Variants in LRP1-AS observed in about 807,000 individuals in gnomAD.
LRP1-AS encodes the protein LRP1 antisense RNA.
intron 1 of LRP1-AS, chr12:57,146,649 G>A (rs1400916908): frequency 1.3e-5 from 2 of 152,348 alleles, no homozygotes; most frequent in East Asian, 3.9e-4. Flanking sequence ...CTCAGCGTAA[G>A]GTTCACATTT....
At chr12:57,144,804 T>C in exon 2 of LRP1-AS, 1 of 666,142 alleles carries the variant, frequency 1.5e-6, no homozygotes, top group Non-Finnish European at 2.7e-6. Flanking sequence ...ATTCCAAGAC[T>C]GGACTTGCTG....
At position 57,145,971 on chromosome 12, in the gene LRP1-AS, G is replaced by A. The variant is rs565128644; in HGVS notation, n.182-888C>T. ...TGCCAATGGACTCTCTGCTGCCATC[G>A]GGGGAGGGCAGTACTGAGGTTATTT... is the stretch of plus-strand genomic sequence containing the variant. On this transcript the variant is annotated intron_variant and non_coding_transcript_variant, in intron 1 of 1. Coordinates refer to ENST00000555461, the Ensembl canonical transcript of LRP1-AS. Among the ~76,000 whole-genome samples the A allele has an allele frequency of 1.2e-4, 19 of 152,258 alleles. No individual in the cohort carries two copies. In the East Asian group the frequency reaches 1.5e-3, roughly 12 times the overall value.
intron 1 of LRP1-AS, among the ~76,000 whole-genome samples, chr12:57,147,169 T>G (rs951728284): frequency 5.9e-5 from 9 of 151,630 alleles, no homozygotes; most frequent in African/African-American, 2.2e-4. Context: ...GGGGAAATGC[T>G]TGTGGGGTAA....
At chr12:57,146,037 C>T (rs1035704970) in intron 1 of LRP1-AS, among the ~76,000 whole-genome samples, 2 of 152,122 alleles carry the variant, frequency 1.3e-5, no homozygotes, top group Admixed American at 6.5e-5. Context: ...GGGAGAGGAG[C>T]GTGAGCCACA....
At chr12:57,145,198 G>A (rs1376784615) in intron 1 of LRP1-AS, 5 of 1,613,784 alleles carry the variant, frequency 3.1e-6, no homozygotes, top group East Asian at 2.2e-5. Context: ...AGCCCTGGCT[G>A]CACGGACTCT....
chr12:57,147,171 G>GT (rs2035427756), intron 1 of LRP1-AS, among the ~76,000 whole-genome samples: 1 of 151,924 alleles, frequency 6.6e-6, no homozygotes, highest in Non-Finnish European at 1.5e-5. Flanking sequence ...GGAAATGCTT[G>GT]TGGGGTAAAT....
chr12:57,144,985 C>T, exon 2 of LRP1-AS: 2 of 1,614,064 alleles, frequency 1.2e-6, no homozygotes, highest in Non-Finnish European at 1.7e-6. Context: ...TTGATGAGTG[C>T]TCAGTGTACG....
chr12:57,147,254 G>A (rs2035429838), intron 1 of LRP1-AS, among the ~76,000 whole-genome samples: 1 of 152,026 alleles, frequency 6.6e-6, no homozygotes, highest in African/African-American at 2.4e-5. Flanking sequence ...CCTGCCGCCT[G>A]AATGTCTGGC....
At chr12:57,146,262 C>T (rs1297284378) in intron 1 of LRP1-AS, among the ~76,000 whole-genome samples, 2 of 152,172 alleles carry the variant, frequency 1.3e-5, no homozygotes, top group Non-Finnish European at 2.9e-5. Context: ...CAAAGAAATG[C>T]ACCACAGGGC....
rs759140255 is a variant in LRP1-AS at position 57,144,996 on chromosome 12, G to A, written n.269C>T. ...GATTTTGATGAGTGCTCAGTGTACG[G>A]CACCTGCAGCCAGCTATGCACCAAC... On this transcript the variant is annotated non_coding_transcript_exon_variant, in exon 2 of 2. Transcript: ENST00000555461. 3.1e-6 allele frequency: 5 copies of A among 1,614,072 alleles called. No homozygotes were observed. In the South Asian group the frequency reaches 4.4e-5, roughly 14 times the overall value.
chr12:57,145,511 T>C, intron 1 of LRP1-AS: 1 of 1,609,288 alleles, frequency 6.2e-7, no homozygotes, highest in South Asian at 1.1e-5. Context: ...TGCTCTCAGC[T>C]TGGAGGGCTG....
intron 1 of LRP1-AS, chr12:57,145,457 G>A: frequency 6.2e-7 from 1 of 1,614,026 alleles, no homozygotes; most frequent in Non-Finnish European, 8.5e-7. Context: ...CTTCGTGGAT[G>A]AGCACACCAT....
chr12:57,145,149 C>T (rs1439326571), intron 1 of LRP1-AS: 2 of 1,613,426 alleles, frequency 1.2e-6, no homozygotes, highest in African/African-American at 2.7e-5. Flanking sequence ...CCCCTCAATG[C>T]TGTTCCCTGG....
intron 1 of LRP1-AS, among the ~76,000 whole-genome samples, chr12:57,145,925 A>G (rs2035396750): frequency 6.6e-6 from 1 of 152,136 alleles, no homozygotes; most frequent in Non-Finnish European, 1.5e-5. Context: ...TCCATGGGCC[A>G]TCGTTTCCCT....
exon 2 of LRP1-AS, chr12:57,144,958 C>A: frequency 2.5e-6 from 4 of 1,612,816 alleles, no homozygotes; most frequent in Non-Finnish European, 3.4e-6. Flanking sequence ...ACATTCTTGC[C>A]CTTTCCTCGG....
intron 1 of LRP1-AS, among the ~76,000 whole-genome samples, chr12:57,147,147 A>G (rs1252578564): frequency 1.3e-5 from 2 of 151,792 alleles, no homozygotes; most frequent in South Asian, 4.2e-4. Flanking sequence ...CCAGGAGGCT[A>G]GAAGAGTCCA....
At chr12:57,146,953 C>G in intron 1 of LRP1-AS, among the ~76,000 whole-genome samples, 1 of 151,978 alleles carries the variant, frequency 6.6e-6, no homozygotes, top group East Asian at 1.9e-4. Context: ...CTGCATCTTG[C>G]CATACAGTGG....
rs749087934 is a variant in LRP1-AS at position 57,145,478 on chromosome 12, C to T, written n.182-395G>A. The T allele has an allele frequency of 6.2e-6, 10 of 1,613,468 alleles. No homozygotes were observed. In the African/African-American group the frequency reaches 1.2e-4, roughly 19 times the overall value. On this transcript the variant is annotated intron_variant and non_coding_transcript_variant, in intron 1 of 1. Coordinates refer to ENST00000555461, the Ensembl canonical transcript of LRP1-AS. ...GGATGAGCACACCATCAACATCTCC[C>T]TCAGTCTGCACCGTGAGTCACCTGC...
chr12:57,147,119 G>A (rs945164769), intron 1 of LRP1-AS, among the ~76,000 whole-genome samples: 1 of 151,842 alleles, frequency 6.6e-6, no homozygotes, highest in South Asian at 2.1e-4. Context: ...AACTCACTGG[G>A]CCTCTCAGGG....
Sources: gnomAD v4.1 joint callset for allele counts (sites outside exome capture counted in the v4.1 genomes callset) on GRCh38, gnomAD v4.1.1 for gene constraint, MANE v1.5 for transcripts, NCBI Gene and HGNC (gene_info 2026-07-23, HGNC 2026-07-21) for gene names.